Variants in SLCO5A1 observed in about 807,000 individuals in gnomAD.
The protein encoded by SLCO5A1 is organic anion transporter polypeptide-related protein 4.
A neutral mutation model predicts 65.1 loss-of-function variants in SLCO5A1; 39 were observed. The observed-to-expected ratio is 0.60, with a 90% CI of 0.46 to 0.78. SLCO5A1 has a LOEUF of 0.78. Ranked by LOEUF, SLCO5A1 falls within the 30% of genes least tolerant of loss-of-function variation. The probability of loss-of-function intolerance (pLI) is 0.00; values close to 1 mark genes in which losing one functional copy is unlikely to be tolerated. For synonymous variants in SLCO5A1, 438 were observed against 415.7 expected, an observed-to-expected ratio of 1.05 and a Z score of -0.65; for missense variants, 1,029 against 1,069.4, an observed-to-expected ratio of 0.96 and a Z score of 0.53.
chr8:69,761,853 T>G lies in SLCO5A1; in HGVS notation c.930A>C (p.Ala310=). The G allele has an allele frequency of 1.2e-6, 2 of 1,613,614 alleles. No individual in the cohort carries two copies. The highest frequency in any genetic ancestry group is 1.7e-6 in the Non-Finnish European group (2 of 1,179,958). Residue 310 remains alanine (A), a synonymous_variant, in exon 3 of 10, where the codon GCA becomes GCC. Coordinates refer to ENST00000260126, the MANE Select transcript of SLCO5A1 (RefSeq NM_030958.3). ...ATAAATATCCCACTGCAGGGCCAAG[T>G]GCTCCCATGACATACATGATGGCTG... ...LYLAIMYVMG[A]LGPAVGYLLG...
At position 69,832,747 on chromosome 8, in the gene SLCO5A1, G is replaced by C; in HGVS notation, c.-74C>G. On this transcript the variant is annotated 5_prime_UTR_variant, in exon 2 of 10. Transcript: ENST00000260126. This position sits in a 1 kb window ranked among gnomAD's most constrained non-coding sequence, Gnocchi z 4.5. ...CACGTTTCATCCACCGGCACGAGGGGCCGAAGCCGGGCCCAGTCAGTCTTG... is the reference window on the plus strand; with the variant it reads ...CACGTTTCATCCACCGGCACGAGGGCCCGAAGCCGGGCCCAGTCAGTCTTG... 1 of 1,490,760 alleles carries C rather than the reference G, an allele frequency of 6.7e-7. No homozygotes were observed. The highest frequency in any genetic ancestry group is 8.9e-7 in the Non-Finnish European group (1 of 1,120,732). 92.3% of individuals were successfully genotyped at this position (1,490,760 alleles called of 1,614,324 possible). A position where few individuals can be genotyped will look rare whatever the true frequency, so the allele number is the denominator to read the frequency against.
intron 2 of SLCO5A1, among the ~76,000 whole-genome samples, chr8:69,765,105 C>G (rs895812616): frequency 1.3e-5 from 2 of 152,108 alleles, no homozygotes; most frequent in African/African-American, 2.4e-5. Context: ...CCAGTGGAAT[C>G]ACTCCCATAT....
chr8:69,792,575 A>G (rs1044531743), intron 2 of SLCO5A1, among the ~76,000 whole-genome samples: 1 of 152,222 alleles, frequency 6.6e-6, no homozygotes, highest in African/African-American at 2.4e-5. Context: ...TGTAAGAATT[A>G]AAAGGAACCC....
intron 2 of SLCO5A1, among the ~76,000 whole-genome samples, chr8:69,790,605 A>C (rs2130891959): frequency 6.6e-6 from 1 of 152,232 alleles, no homozygotes; most frequent in East Asian, 1.9e-4. Flanking sequence ...GTGCCTGTGA[A>C]TAGCCACTGC....
At chr8:69,784,885 A>AAG (rs1818965370) in intron 2 of SLCO5A1, among the ~76,000 whole-genome samples, 1 of 135,164 alleles carries the variant, frequency 7.4e-6, no homozygotes, top group Non-Finnish European at 1.6e-5. Flanking sequence ...GAAAGAAAGA[A>AAG]AGAAGAAAGG....
At chr8:69,681,491 G>T (rs1315218262) in intron 7 of SLCO5A1, among the ~76,000 whole-genome samples, 2 of 152,274 alleles carry the variant, frequency 1.3e-5, no homozygotes, top group Middle Eastern at 6.8e-3. Flanking sequence ...TACTAGGGAG[G>T]CTGAGGCAGG....
intron 2 of SLCO5A1, among the ~76,000 whole-genome samples, chr8:69,797,901 C>T (rs1819569064): frequency 6.6e-6 from 1 of 152,188 alleles, no homozygotes; most frequent in South Asian, 2.1e-4. Context: ...CCTTGTGAAG[C>T]ATGTGATCTC....
In SLCO5A1 at chr8:69,831,944, C is replaced by A. The variant is rs141630914; in HGVS notation, c.730G>T (p.Ala244Ser). The A allele has an allele frequency of 3.8e-6, 6 of 1,594,894 alleles. No individual in the cohort carries two copies. The African/African-American group carries it at 5.4e-5, about 14-fold the overall frequency. Reference protein sequence around the residue: ...DGLCQGGNSTATLEPPACPKD... With the variant: ...DGLCQGGNSTSTLEPPACPKD... ...GGACAGGCCGGAGGCTCCAAAGTGG[C>A]GGTGGAGTTGCCACCCTGACACAGG... is the stretch of plus-strand genomic sequence containing the variant. Residue 244 changes from alanine (A) to serine (S), a missense_variant, in exon 2 of 10, where the codon GCC (alanine) becomes TCC (serine). Coordinates refer to ENST00000260126, the MANE Select transcript of SLCO5A1 (RefSeq NM_030958.3).
intron 5 of SLCO5A1, among the ~76,000 whole-genome samples, chr8:69,736,601 T>C (rs1351392345): frequency 6.6e-6 from 1 of 152,182 alleles, no homozygotes; most frequent in Non-Finnish European, 1.5e-5. Context: ...TCAGGTTTCA[T>C]GGTCAAATGA....
chr8:69,740,565 A>G (rs1816751486), intron 4 of SLCO5A1, among the ~76,000 whole-genome samples: 1 of 152,158 alleles, frequency 6.6e-6, no homozygotes, highest in South Asian at 2.1e-4. Context: ...CCGTCTGCTC[A>G]CAAGGCTTAG....
At chr8:69,673,591 C>T (rs1457112759) in intron 9 of SLCO5A1, among the ~76,000 whole-genome samples, 2 of 151,736 alleles carry the variant, frequency 1.3e-5, no homozygotes, top group Non-Finnish European at 2.9e-5. Context: ...CATGTTGTAC[C>T]CTTTAAATAT....
At chr8:69,708,987 G>A (rs748599004) in intron 5 of SLCO5A1, among the ~76,000 whole-genome samples, 1 of 152,164 alleles carries the variant, frequency 6.6e-6, no homozygotes, top group Non-Finnish European at 1.5e-5. Flanking sequence ...CCTTAGAGAA[G>A]TCCAGTAAGA....
chr8:69,722,459 C>T (rs895919092), intron 5 of SLCO5A1, among the ~76,000 whole-genome samples: 9 of 152,000 alleles, frequency 5.9e-5, no homozygotes, highest in Non-Finnish European at 2.9e-5. Context: ...GAAGTACTTA[C>T]ACTTAATATT....
chr8:69,673,672 G>A (rs907062412), intron 9 of SLCO5A1, among the ~76,000 whole-genome samples: 2 of 152,066 alleles, frequency 1.3e-5, no homozygotes, highest in African/African-American at 4.8e-5. Context: ...TACAATTAGA[G>A]AATCCTTTTA....
At chr8:69,774,836 C>T (rs536171344) in intron 2 of SLCO5A1, among the ~76,000 whole-genome samples, 8 of 152,316 alleles carry the variant, frequency 5.3e-5, no homozygotes, top group South Asian at 2.1e-4. Flanking sequence ...GAACAATCCA[C>T]GTCGCCATGA....
At chr8:69,813,345 T>C (rs528165732) in intron 2 of SLCO5A1, among the ~76,000 whole-genome samples, 22 of 152,340 alleles carry the variant, frequency 1.4e-4, no homozygotes, top group Middle Eastern at 6.8e-3. Flanking sequence ...TACCATTCCA[T>C]TTCAGACACT....
intron 4 of SLCO5A1, among the ~76,000 whole-genome samples, chr8:69,746,672 GA>G (rs1245852495): frequency 6.6e-6 from 1 of 152,238 alleles, no homozygotes; most frequent in African/African-American, 2.4e-5. Context: ...AAGAAAGGCA[GA>G]GGGAACACCA....
intron 2 of SLCO5A1, among the ~76,000 whole-genome samples, chr8:69,802,745 G>A (rs979598657): frequency 4.6e-5 from 7 of 151,992 alleles, no homozygotes; most frequent in African/African-American, 1.7e-4. Context: ...TCTGCCTGGA[G>A]GCCTCATCTC....
chr8:69,814,649 G>A (rs890782535), intron 2 of SLCO5A1, among the ~76,000 whole-genome samples: 4 of 152,164 alleles, frequency 2.6e-5, no homozygotes, highest in Admixed American at 2.0e-4. Flanking sequence ...CAATCCCACT[G>A]CAGGGTGTTT....
Sources: gnomAD v4.1 joint callset for allele counts (sites outside exome capture counted in the v4.1 genomes callset) on GRCh38, gnomAD v4.1.1 for gene constraint, Gnocchi (gnomAD v3.1) non-coding constraint, MANE v1.5 for transcripts, NCBI Gene and HGNC (gene_info 2026-07-23, HGNC 2026-07-21) for gene names.